The following TMEM9 variants were observed in gnomAD, a reference collection of about 807,000 sequenced individuals.
TMEM9 encodes the protein transmembrane protein 9.
A neutral mutation model predicts 22.8 loss-of-function variants in TMEM9; 13 were observed. That is an observed-to-expected ratio of 0.57 (90% CI 0.37 to 0.91). TMEM9 has a LOEUF of 0.91. Ranked by LOEUF, TMEM9 falls within the 40% of genes least tolerant of loss-of-function variation. The pLI is 0.01. For synonymous variants in TMEM9, 88 were observed against 93.0 expected (o/e 0.95, Z 0.31); for missense variants, 182 against 238.1 (o/e 0.76, Z 1.55).
At chr1:201,150,055 G>A (rs1011047295) in intron 2 of TMEM9, among the ~76,000 whole-genome samples, 1 of 152,226 alleles carries the variant, frequency 6.6e-6, no homozygotes, top group South Asian at 2.1e-4. Flanking sequence ...ACAGGACTCC[G>A]TCCTCTGCAG....
intron 1 of TMEM9, among the ~76,000 whole-genome samples, chr1:201,165,740 T>C (rs1430366940): frequency 6.6e-6 from 1 of 152,180 alleles, no homozygotes; most frequent in Admixed American, 6.5e-5. Flanking sequence ...TGGCCAATTG[T>C]CCTTTAATTT....
intron 1 of TMEM9, among the ~76,000 whole-genome samples, chr1:201,163,704 T>TAA (rs145516868): frequency 2.7e-5 from 4 of 149,590 alleles, no homozygotes; most frequent in Non-Finnish European, 5.9e-5. Context: ...ATGGCTAAAA[T>TAA]AAAAAAAAAA....
chr1:201,146,623 A>T (rs1399129132), intron 3 of TMEM9, 117 bp downstream of exon 3: 2 of 1,107,370 alleles, frequency 1.8e-6, no homozygotes, highest in African/African-American at 1.5e-5. Flanking sequence ...CCTAGAAGCC[A>T]GTCTCATAGC....
chr1:201,146,188 A>G (rs1180607519), intron 3 of TMEM9, among the ~76,000 whole-genome samples: 13 of 152,202 alleles, frequency 8.5e-5, no homozygotes, highest in Admixed American at 8.5e-4. Flanking sequence ...GACTGTGTCT[A>G]TCATCTCTTT....
intron 1 of TMEM9, chr1:201,171,486 G>T (rs78455761): frequency 0.11 from 17,248 of 152,272 alleles, 1,315 homozygotes; most frequent in Non-Finnish European, 0.17. Context: ...GAGAGATTAC[G>T]TACCTCACAT....
At chr1:201,147,722 C>T (rs181564484) in intron 2 of TMEM9, among the ~76,000 whole-genome samples, 3 of 152,212 alleles carry the variant, frequency 2.0e-5, no homozygotes, top group African/African-American at 4.8e-5. Flanking sequence ...AGGGCCAATG[C>T]TAACTCAATT....
chr1:201,139,746 A>G (rs1664346896), intron 4 of TMEM9, among the ~76,000 whole-genome samples: 1 of 152,236 alleles, frequency 6.6e-6, no homozygotes, highest in African/African-American at 2.4e-5. Context: ...CTTAAGGACG[A>G]GCAAACACTT....
intron 1 of TMEM9, among the ~76,000 whole-genome samples, chr1:201,165,228 C>T (rs1307111662): frequency 2.1e-5 from 3 of 144,692 alleles, no homozygotes; most frequent in Non-Finnish European, 4.5e-5. Context: ...CCAGGATGAG[C>T]TGAAGTCTGC....
chr1:201,167,389 G>A (rs1666103847), intron 1 of TMEM9, among the ~76,000 whole-genome samples: 1 of 152,204 alleles, frequency 6.6e-6, no homozygotes, highest in Non-Finnish European at 1.5e-5. Flanking sequence ...GGGAGTCAAA[G>A]CTGTCCTCTT....
chr1:201,137,839 G>T (rs1333398960), intron 4 of TMEM9, among the ~76,000 whole-genome samples: 1 of 152,206 alleles, frequency 6.6e-6, no homozygotes, highest in Non-Finnish European at 1.5e-5. Flanking sequence ...GCGGCTGGCT[G>T]CCAGGAGAAA....
chr1:201,164,953 T>C (rs1000952616), intron 1 of TMEM9, among the ~76,000 whole-genome samples: 2 of 151,752 alleles, frequency 1.3e-5, no homozygotes, highest in Admixed American at 6.6e-5. Flanking sequence ...GCAGTCTCCC[T>C]AGGGAGGGTG....
chr1:201,168,938 T>C (rs528155200), intron 1 of TMEM9, among the ~76,000 whole-genome samples: 2 of 151,242 alleles, frequency 1.3e-5, no homozygotes, highest in African/African-American at 4.9e-5. Flanking sequence ...ACTCCAAGCT[T>C]GTGCCATAAT....
intron 4 of TMEM9, among the ~76,000 whole-genome samples, chr1:201,138,098 T>C (rs1447143383): frequency 1.3e-5 from 2 of 152,072 alleles, no homozygotes; most frequent in African/African-American, 2.4e-5. Context: ...TCTGGGACCA[T>C]CTTTCTCATG....
At chr1:201,153,788 A>G (rs751819197) in intron 1 of TMEM9, 70 bp downstream of exon 1, 6 of 1,604,452 alleles carry the variant, frequency 3.7e-6, no homozygotes, top group Admixed American at 3.4e-5. Context: ...GCTACCTCTG[A>G]GTCAGCCCTG....
intron 1 of TMEM9, among the ~76,000 whole-genome samples, chr1:201,169,053 G>A (rs1323031156): frequency 6.6e-6 from 1 of 151,720 alleles, no homozygotes. Context: ...TAGAGGGAGG[G>A]TTTTAGAATG....
At chr1:201,143,741 C>T in intron 4 of TMEM9, 79 bp downstream of exon 4, 1 of 1,492,728 alleles carries the variant, frequency 6.7e-7, no homozygotes, top group Non-Finnish European at 9.2e-7. Context: ...GGACCTGGAC[C>T]TAGGTGACGC....
At chr1:201,152,553 G>A (rs1466399718) in intron 1 of TMEM9, among the ~76,000 whole-genome samples, 1 of 152,164 alleles carries the variant, frequency 6.6e-6, no homozygotes, top group African/African-American at 2.4e-5. Flanking sequence ...GTTATCTCAG[G>A]AGTCCCAGAA....
chr1:201,142,671 G>T (rs1320878820), intron 4 of TMEM9, among the ~76,000 whole-genome samples: 1 of 152,214 alleles, frequency 6.6e-6, no homozygotes, highest in Non-Finnish European at 1.5e-5. Flanking sequence ...GTTCACTCAG[G>T]GCATCCCTCC....
intron 1 of TMEM9, among the ~76,000 whole-genome samples, chr1:201,170,271 C>A (rs183239014): frequency 6.6e-6 from 1 of 152,266 alleles, no homozygotes; most frequent in East Asian, 1.9e-4. Flanking sequence ...GGTCAGGACA[C>A]CTTGATTATC....
Sources: allele counts gnomAD v4.1 joint callset (sites outside exome capture counted in the v4.1 genomes callset), GRCh38; gene constraint gnomAD v4.1.1; transcripts MANE v1.5; gene names NCBI Gene and HGNC (gene_info 2026-07-23, HGNC 2026-07-21).